SNAP91: variants seen among roughly 807,000 people sequenced by gnomAD.
SNAP91 encodes the protein synaptosome associated protein 91, also known as clathrin coat assembly protein AP180.
In SNAP91, 27 loss-of-function variants were observed where a neutral mutation model predicts 100.3. The observed-to-expected ratio is 0.27, with a 90% CI of 0.20 to 0.37. The LOEUF is 0.37. Ranked by LOEUF, SNAP91 falls within the 10% of genes least tolerant of loss-of-function variation. SNAP91 has a pLI of 1.00. For synonymous variants in SNAP91, 404 were observed against 398.6 expected (o/e 1.01, Z -0.16); for missense variants, 986 against 1,123.7 (o/e 0.88, Z 1.75).
At chr6:83,618,908 T>C (rs1354038028) in intron 9 of SNAP91, among the ~76,000 whole-genome samples, 2 of 151,950 alleles carry the variant, frequency 1.3e-5, no homozygotes, top group Admixed American at 6.6e-5. Flanking sequence ...CTAAGAAAAA[T>C]GCTATTTTTA....
Position 83,593,709 on chromosome 6 carries a change from C to T in SNAP91, c.1465G>A (p.Ala489Thr). The T allele has an allele frequency of 6.2e-7, 1 of 1,602,054 alleles. No homozygotes were observed. The highest frequency in any genetic ancestry group is 1.1e-5 in the South Asian group (1 of 90,048). ...GCAAAGAGGTCCAGCTCAGGTGCAGCCTCTGCACTACCTTCAGACGGGGCA... is the reference window on the plus strand; with the variant it reads ...GCAAAGAGGTCCAGCTCAGGTGCAGTCTCTGCACTACCTTCAGACGGGGCA... ...PFAPSEGSAE[A>T]APELDLFAMK... The change falls in exon 18 of 30, where the codon GCT becomes ACT. Residue 489 changes from alanine (A) to threonine (T), a missense_variant. This residue lies in a region of SNAP91 where 575 missense variants were observed against 579.9 expected (regional missense o/e 0.99). Coordinates refer to ENST00000369694, the MANE Select transcript of SNAP91 (RefSeq NM_001242792.2).
intron 7 of SNAP91, among the ~76,000 whole-genome samples, chr6:83,648,492 T>C (rs916368863): frequency 6.6e-6 from 1 of 152,114 alleles, no homozygotes; most frequent in Non-Finnish European, 1.5e-5. Flanking sequence ...TAGTGGGTCA[T>C]AAGTTAGGTG....
intron 26 of SNAP91, among the ~76,000 whole-genome samples, chr6:83,573,830 A>C (rs1230029812): frequency 6.6e-6 from 1 of 152,204 alleles, no homozygotes; most frequent in African/African-American, 2.4e-5. Flanking sequence ...TAAATGTTAG[A>C]CCTAAAACCA....
chr6:83,562,774 C>T (rs1790073793), intron 26 of SNAP91, among the ~76,000 whole-genome samples: 1 of 152,150 alleles, frequency 6.6e-6, no homozygotes, highest in Non-Finnish European at 1.5e-5. Flanking sequence ...TGTGGGAAAC[C>T]TGCTTAGGTG....
chr6:83,574,671 TATTA>T (rs1301482491), intron 26 of SNAP91, among the ~76,000 whole-genome samples: 2 of 152,078 alleles, frequency 1.3e-5, no homozygotes, highest in African/African-American at 2.4e-5. Flanking sequence ...GAAGTATAAA[TATTA>T]ATTAAAATAT....
chr6:83,657,717 TTAA>T (rs1447271871), intron 6 of SNAP91, among the ~76,000 whole-genome samples: 9 of 151,978 alleles, frequency 5.9e-5, no homozygotes, highest in African/African-American at 2.2e-4. Flanking sequence ...ACAATATGAG[TTAA>T]TAATGTCTCT....
chr6:83,585,955 A>G (rs1345357580), intron 22 of SNAP91, among the ~76,000 whole-genome samples: 1 of 149,726 alleles, frequency 6.7e-6, no homozygotes, highest in Non-Finnish European at 1.5e-5. Context: ...GGTTCAAGCC[A>G]TTCTCCTGCC....
At chr6:83,578,626 AC>A (rs1310022921) in intron 24 of SNAP91, among the ~76,000 whole-genome samples, 1 of 152,212 alleles carries the variant, frequency 6.6e-6, no homozygotes, top group Non-Finnish European at 1.5e-5. Flanking sequence ...TATTCTGAGT[AC>A]AAGTCTCTTA....
At chr6:83,575,403 G>A in intron 25 of SNAP91, 1 of 393,940 alleles carries the variant, frequency 2.5e-6, no homozygotes, top group Non-Finnish European at 4.6e-6. Context: ...AAATCCAACT[G>A]GATTCATTTG....
intron 2 of SNAP91, 115 bp downstream of exon 2, chr6:83,707,683 C>T (rs1459533853): frequency 2.2e-6 from 3 of 1,388,182 alleles, no homozygotes; most frequent in Non-Finnish European, 2.9e-6. Context: ...TCAGGGGCAA[C>T]CTGGCTGGGA....
intron 17 of SNAP91, 64 bp downstream of exon 17, chr6:83,594,310 C>T (rs2094204783): frequency 7.8e-7 from 1 of 1,277,318 alleles, no homozygotes; most frequent in Non-Finnish European, 1.1e-6. Flanking sequence ...ATGGCCTCTT[C>T]TAACTACGGG....
At chr6:83,593,973 A>G (rs556729471) in intron 17 of SNAP91, among the ~76,000 whole-genome samples, 36 of 152,342 alleles carry the variant, frequency 2.4e-4, no homozygotes, top group Admixed American at 1.4e-3. Flanking sequence ...AGCATTTTGC[A>G]AAGTGCCGTA....
chr6:83,594,328 C>A, intron 17 of SNAP91, 46 bp downstream of exon 17: 1 of 1,450,914 alleles, frequency 6.9e-7, no homozygotes, highest in Non-Finnish European at 9.5e-7. Context: ...GGGGGTTTTA[C>A]ATTAGGACAG....
intron 11 of SNAP91, 35 bp downstream of exon 11, chr6:83,614,822 C>T (rs1431328097): frequency 2.0e-6 from 3 of 1,529,674 alleles, no homozygotes; most frequent in Non-Finnish European, 1.8e-6. Context: ...TTAGTAATTA[C>T]CAAATGCAAA....
chr6:83,629,603 T>G lies in SNAP91; in HGVS notation c.766-6261A>C, dbSNP rs146827559. Among the ~76,000 whole-genome samples, 229 of 152,196 alleles carry G rather than the reference T, an allele frequency of 1.5e-3. 2 individuals carry two copies. The highest frequency in any genetic ancestry group is 4.9e-3 in the African/African-American group (205 of 41,556). On this transcript the variant is annotated intron_variant, in intron 8 of 29. Coordinates refer to ENST00000369694, the MANE Select transcript of SNAP91 (RefSeq NM_001242792.2). ...GTTCGGTATATTCCTAAGTATTTTA[T>G]TTTTTTGCAGTTATTGTAAAAGGGG... is the stretch of plus-strand genomic sequence containing the variant.
intron 28 of SNAP91, among the ~76,000 whole-genome samples, chr6:83,558,980 T>C (rs571305997): frequency 2.0e-5 from 3 of 152,342 alleles, no homozygotes; most frequent in South Asian, 2.1e-4. Context: ...TTTGGCATTT[T>C]TGAAGGGTAA....
chr6:83,582,042 C>T (rs1421657938), intron 23 of SNAP91, among the ~76,000 whole-genome samples, 180 bp downstream of exon 23: 1 of 151,740 alleles, frequency 6.6e-6, no homozygotes, highest in Non-Finnish European at 1.5e-5. Flanking sequence ...TTATGGATAC[C>T]AATGTGTACT....
At chr6:83,680,546 C>T (rs1405876755) in intron 2 of SNAP91, among the ~76,000 whole-genome samples, 1 of 152,126 alleles carries the variant, frequency 6.6e-6, no homozygotes, top group East Asian at 1.9e-4. Flanking sequence ...ATATCTTCTC[C>T]AAACTTAATT....
In SNAP91 at chr6:83,650,051, C is replaced by T. The variant is rs533991545; in HGVS notation, c.658+6703G>A. Reference sequence around the variant, plus strand: ...TTTTTTTACCCCATAGCTGGCATTACGAGTTCTACTTTCTTTTCCAGATGA... The same window carrying T: ...TTTTTTTACCCCATAGCTGGCATTATGAGTTCTACTTTCTTTTCCAGATGA... On this transcript the variant is annotated intron_variant, in intron 7 of 29. Transcript: ENST00000369694. Among the ~76,000 whole-genome samples the T allele has an allele frequency of 7.9e-5, 12 of 151,964 alleles. No individual in the cohort carries two copies. The South Asian group carries it at 1.0e-3, about 13-fold the overall frequency.
Sources: gnomAD v4.1 joint callset for allele counts (sites outside exome capture counted in the v4.1 genomes callset) on GRCh38, gnomAD v4.1.1 for gene constraint, gnomAD v4.1.1 regional missense constraint, MANE v1.5 for transcripts, NCBI Gene and HGNC (gene_info 2026-07-23, HGNC 2026-07-21) for gene names.